CREBBP: variants seen among roughly 807,000 people sequenced by gnomAD.
The protein encoded by CREBBP is CREB-binding protein.
A neutral mutation model predicts 265.0 loss-of-function variants in CREBBP; 19 were observed. The ratio of observed to expected loss-of-function variants is 0.07; its 90% CI spans 0.05 to 0.11. The LOEUF (loss-of-function observed/expected upper bound fraction) is 0.11, where lower values mean the gene tolerates loss of function less well. Ranked by LOEUF, CREBBP falls within the 10% of genes least tolerant of loss-of-function variation. CREBBP has a pLI of 1.00. For synonymous variants in CREBBP, 1,457 were observed against 1,223.7 expected, an observed-to-expected ratio of 1.19 and a Z score of -3.98; for missense variants, 2,525 against 3,219.0, an observed-to-expected ratio of 0.78 and a Z score of 5.22.
intron 28 of CREBBP, among the ~76,000 whole-genome samples, chr16:3,734,971 C>T (rs1022034952): frequency 6.6e-5 from 10 of 152,206 alleles, no homozygotes; most frequent in African/African-American, 2.4e-4. Flanking sequence ...CCTCACTGGT[C>T]ACAATCGCCT....
In CREBBP at chr16:3,729,220, G is replaced by T; in HGVS notation, c.5827C>A (p.Pro1943Thr). The change falls in exon 31 of 31, where the codon CCG (proline) becomes ACG (threonine). Residue 1943 changes from proline to threonine, a missense_variant. Physicochemically the swap from Pro to Thr is conservative, Grantham distance 38. Coordinates refer to ENST00000262367, the MANE Select transcript of CREBBP (RefSeq NM_004380.3). ...VSTGKPTSQV[P>T]APPPPAQPPP... The stretch of plus-strand genomic sequence containing the variant: ...GGCTGGGCCGGGGGTGGGGGGGCCG[G>T]CACCTGGCTGGTAGGCTTCCCTGTG... The T allele has an allele frequency of 6.6e-7, 1 of 1,526,658 alleles. No individual in the cohort carries two copies. The highest frequency in any genetic ancestry group is 8.8e-7 in the Non-Finnish European group (1 of 1,141,760). 94.6% of individuals were successfully genotyped at this position (1,526,658 alleles called of 1,614,324 possible). A position where few individuals can be genotyped will look rare whatever the true frequency, so the allele number is the denominator to read the frequency against.
chr16:3,799,053 G>A (rs1044693726), intron 3 of CREBBP, among the ~76,000 whole-genome samples: 10 of 152,154 alleles, frequency 6.6e-5, no homozygotes, highest in African/African-American at 1.9e-4. Context: ...AACATGCTTC[G>A]TAAAAGAAGC....
intron 2 of CREBBP, among the ~76,000 whole-genome samples, chr16:3,812,186 A>G (rs1346242371): frequency 6.6e-6 from 1 of 151,890 alleles, no homozygotes; most frequent in Non-Finnish European, 1.5e-5. Context: ...TTATGTATTT[A>G]TTTATATTTT....
At chr16:3,855,498 C>A (rs2054942155) in intron 1 of CREBBP, among the ~76,000 whole-genome samples, 1 of 152,230 alleles carries the variant, frequency 6.6e-6, no homozygotes, top group Non-Finnish European at 1.5e-5. Flanking sequence ...CTTCTGACCT[C>A]AGGTGATCCG....
intron 3 of CREBBP, among the ~76,000 whole-genome samples, chr16:3,801,989 G>C (rs370107314): frequency 2.6e-5 from 4 of 151,916 alleles, no homozygotes; most frequent in Admixed American, 2.0e-4. Flanking sequence ...ATCTTCACTC[G>C]GTTTAGCCAC....
At chr16:3,851,193 CAGG>C (rs1158725526) in intron 1 of CREBBP, among the ~76,000 whole-genome samples, 184 bp from the exon 2 acceptor site, 5 of 147,932 alleles carry the variant, frequency 3.4e-5, no homozygotes, top group Non-Finnish European at 7.4e-5. Context: ...GAGGCTAAGG[CAGG>C]AGAATAGCTT....
In CREBBP at chr16:3,738,666, C is replaced by T. The variant is rs2052130012; in HGVS notation, c.4287G>A (p.Val1429=). ...SDCPPPNTRR[V]YISYLDSIHF... ...GAATACTATCCAGATAAGAAATGTACACACGCCTGTGGGAAGGAGGCACAT... is the reference window on the plus strand; with the variant it reads ...GAATACTATCCAGATAAGAAATGTATACACGCCTGTGGGAAGGAGGCACAT... Residue 1429 remains valine (V), a synonymous_variant, in exon 26 of 31, where the codon GTG becomes GTA. Transcript: ENST00000262367. 2 of 1,609,130 alleles carry T rather than the reference C, an allele frequency of 1.2e-6. No homozygotes were observed. Among genetic ancestry groups the T allele is most frequent in the Admixed American group, 1.7e-5 (1 of 59,902 alleles).
At chr16:3,871,096 GAAAA>G (rs1260352996) in intron 1 of CREBBP, among the ~76,000 whole-genome samples, 2 of 148,862 alleles carry the variant, frequency 1.3e-5, no homozygotes, top group Non-Finnish European at 3.0e-5. Context: ...AAGAAAGAAA[GAAAA>G]AAGAAAGAAA....
intron 26 of CREBBP, chr16:3,737,050 G>A: frequency 1.7e-6 from 1 of 587,574 alleles, no homozygotes; most frequent in Non-Finnish European, 3.0e-6. Flanking sequence ...ACACAGGGCA[G>A]GGCCGAGGCT....
At chr16:3,828,439 G>A (rs74003418) in intron 2 of CREBBP, among the ~76,000 whole-genome samples, 2 of 152,180 alleles carry the variant, frequency 1.3e-5, no homozygotes, top group Non-Finnish European at 2.9e-5. Context: ...GGCTGAATTA[G>A]TATTTCAGAT....
chr16:3,830,733 A>G (rs2054326311), intron 2 of CREBBP, among the ~76,000 whole-genome samples: 1 of 152,172 alleles, frequency 6.6e-6, no homozygotes, highest in Non-Finnish European at 1.5e-5. Context: ...ACCATCAACC[A>G]ACTTATTCTA....
Position 3,778,738 on chromosome 16 carries a change from T to C in CREBBP, c.1903A>G (p.Lys635Glu), listed in dbSNP as rs2053203381. 6.2e-7 allele frequency: 1 copy of C among 1,614,040 alleles called. No individual in the cohort carries two copies. The highest frequency in any genetic ancestry group is 1.7e-5 in the Admixed American group (1 of 60,014). The part of the protein sequence containing the change: ...RMENLVAYAK[K>E]VEGDMYESAN... ...GACTCGTACATGTCCCCTTCCACTT[T>C]CTTAGCATAGGCTACCAGGTTTTCC... The change falls in exon 9 of 31, where the codon AAA (lysine) becomes GAA (glutamate). Residue 635 changes from lysine (K) to glutamate (E), a missense_variant. By Grantham distance (56) the Lys-to-Glu change is moderately conservative. Coordinates refer to ENST00000262367, the MANE Select transcript of CREBBP (RefSeq NM_004380.3).
chr16:3,845,886 C>CAAAAA (rs58655991), intron 2 of CREBBP, among the ~76,000 whole-genome samples: 13 of 73,516 alleles, frequency 1.8e-4, no homozygotes, highest in African/African-American at 5.0e-4. Flanking sequence ...GACCCTATCT[C>CAAAAA]AAAAAAAAAA....
intron 3 of CREBBP, among the ~76,000 whole-genome samples, chr16:3,802,515 A>G (rs752630624): frequency 3.3e-5 from 5 of 152,120 alleles, no homozygotes; most frequent in Non-Finnish European, 7.4e-5. Context: ...TTTAGCCCCA[A>G]TGCCATTTTT....
In CREBBP at chr16:3,749,675, G is replaced by A. The variant is rs2151368517; in HGVS notation, c.3788C>T (p.Ser1263Leu). Residue 1263 changes from serine to leucine, a missense_variant, in exon 21 of 31, where the codon TCA (serine) becomes TTA (leucine). By Grantham distance (145) the Ser-to-Leu change is moderately radical. Transcript: ENST00000262367. ...TTTCTTCTTTTCAAACTGATCCTTT[G>A]AAATTGTCCTTGTTTTAAAATAAGA... ...DDPSQPQTTISKDQFEKKKND... is the reference protein window; with the variant it reads ...DDPSQPQTTILKDQFEKKKND... The A allele has an allele frequency of 6.3e-7, 1 of 1,599,576 alleles. No homozygotes were observed. Among genetic ancestry groups the A allele is most frequent in the Non-Finnish European group, 8.6e-7 (1 of 1,167,968 alleles).
intron 21 of CREBBP, 70 bp from the exon 22 acceptor site, chr16:3,745,424 G>T (rs1243680976): frequency 1.4e-6 from 2 of 1,395,944 alleles, no homozygotes; most frequent in Non-Finnish European, 2.0e-6. Flanking sequence ...GTAGAAGTCT[G>T]TGTGTGCGTC....
chr16:3,799,096 A>G (rs891312248), intron 3 of CREBBP, among the ~76,000 whole-genome samples: 2 of 152,242 alleles, frequency 1.3e-5, no homozygotes, highest in African/African-American at 4.8e-5. Flanking sequence ...CTGTGATTCA[A>G]TTTCTAGGAA....
chr16:3,826,598 C>T (rs1388428442), intron 2 of CREBBP, among the ~76,000 whole-genome samples: 1 of 152,012 alleles, frequency 6.6e-6, no homozygotes, highest in African/African-American at 2.4e-5. Context: ...GCCCATAAGC[C>T]CAGTCTTACC....
Position 3,727,557 on chromosome 16 carries a change from C to CA in CREBBP, c.*160dup, listed in dbSNP as rs1422563275. 1.3e-5 allele frequency: 12 copies of CA among 941,048 alleles called. No individual in the cohort carries two copies. Among genetic ancestry groups the CA allele is most frequent in the South Asian group, 2.2e-5 (1 of 44,600 alleles). The allele number at this position is 941,048 out of a possible 1,614,324, so 58.3% of individuals were successfully genotyped here. A position where few individuals can be genotyped will look rare whatever the true frequency, so the allele number is the denominator to read the frequency against. ...GATATTTAAATCAACTGGTTTTTAA[C>CA]AAAAAAATATATTCTTTGTATTGTT... On this transcript the variant is annotated 3_prime_UTR_variant, in exon 31 of 31. Coordinates refer to ENST00000262367, the MANE Select transcript of CREBBP (RefSeq NM_004380.3).
Sources: gnomAD v4.1 joint callset for allele counts (sites outside exome capture counted in the v4.1 genomes callset) on GRCh38, gnomAD v4.1.1 for gene constraint, MANE v1.5 for transcripts, NCBI Gene and HGNC (gene_info 2026-07-23, HGNC 2026-07-21) for gene names.